The following CCDC6 variants were observed in gnomAD, a reference collection of about 807,000 sequenced individuals.
CCDC6 encodes coiled-coil domain containing 6, also known as coiled-coil domain-containing protein 6.
Under a neutral mutation model 56.6 loss-of-function variants are expected in CCDC6, and 20 were observed. The ratio of observed to expected loss-of-function variants is 0.35; its 90% confidence interval spans 0.25 to 0.51. CCDC6 has a LOEUF of 0.51. CCDC6 is among the 20% of genes least tolerant of loss of function. The pLI, the probability that CCDC6 is intolerant of heterozygous loss-of-function variation, is 0.95. For synonymous variants in CCDC6, 241 were observed against 234.4 expected (o/e 1.03, Z -0.26); for missense variants, 367 against 601.1 (o/e 0.61, Z 4.07).
At chr10:59,853,453 G>C (rs966061832) in intron 1 of CCDC6, among the ~76,000 whole-genome samples, 1 of 151,994 alleles carries the variant, frequency 6.6e-6, no homozygotes, top group South Asian at 2.1e-4. Context: ...AGGATCACTT[G>C]AACCCGGAAG....
intron 2 of CCDC6, among the ~76,000 whole-genome samples, chr10:59,846,378 C>T (rs1456038372): frequency 6.6e-6 from 1 of 152,188 alleles, no homozygotes; most frequent in African/African-American, 2.4e-5. Context: ...CTGAACTGCT[C>T]AGCTATAAAT....
chr10:59,807,092 G>A lies in CCDC6; in HGVS notation c.848-14C>T. ...TTTTCTCTGAATCTGAAAAGTCAGA[G>A]TTTTCAATTAAACCATGTTTCATGC... On this transcript the variant is annotated splice_polypyrimidine_tract_variant and intron_variant, in intron 5 of 8. Coordinates refer to ENST00000263102, the MANE Select transcript of CCDC6 (RefSeq NM_005436.5). 6.2e-7 allele frequency: 1 copy of A among 1,611,430 alleles called. No homozygotes were observed. The highest frequency in any genetic ancestry group is 8.5e-7 in the Non-Finnish European group (1 of 1,178,768).
At chr10:59,885,013 G>C (rs149065101) in intron 1 of CCDC6, among the ~76,000 whole-genome samples, 2,533 of 151,784 alleles carry the variant, frequency 0.017, 29 homozygotes, top group Middle Eastern at 0.044. Flanking sequence ...GCAGTGAGTT[G>C]AGATCGTGCC....
intron 1 of CCDC6, among the ~76,000 whole-genome samples, chr10:59,888,011 C>T (rs939021176): frequency 1.3e-5 from 2 of 152,136 alleles, no homozygotes; most frequent in African/African-American, 2.4e-5. Context: ...ACAGACTTGC[C>T]GTGAGACTCA....
At chr10:59,865,185 G>A (rs1191336143) in intron 1 of CCDC6, among the ~76,000 whole-genome samples, 2 of 152,286 alleles carry the variant, frequency 1.3e-5, no homozygotes, top group East Asian at 3.9e-4. Context: ...TGGCCCAGGG[G>A]CAATGACTAA....
chr10:59,895,291 G>A (rs2132685159), intron 1 of CCDC6, among the ~76,000 whole-genome samples: 1 of 152,264 alleles, frequency 6.6e-6, no homozygotes, highest in African/African-American at 2.4e-5. Flanking sequence ...GACAGAGCGA[G>A]ACCCTGTCTC....
At chr10:59,817,904 C>G (rs750643757) in intron 3 of CCDC6, among the ~76,000 whole-genome samples, 4 of 152,108 alleles carry the variant, frequency 2.6e-5, no homozygotes, top group Admixed American at 1.3e-4. Flanking sequence ...GGGCTAGTTC[C>G]GTCACACGCA....
chr10:59,869,658 C>T (rs1048723165), intron 1 of CCDC6, among the ~76,000 whole-genome samples: 2 of 152,032 alleles, frequency 1.3e-5, no homozygotes, highest in African/African-American at 4.8e-5. Context: ...CTGATCCTTC[C>T]ACTCTTGTGC....
At chr10:59,895,037 T>C (rs1349611007) in intron 1 of CCDC6, among the ~76,000 whole-genome samples, 1 of 152,154 alleles carries the variant, frequency 6.6e-6, no homozygotes, top group Non-Finnish European at 1.5e-5. Context: ...CATGGTATCT[T>C]ATGCCTGTAA....
intron 3 of CCDC6, among the ~76,000 whole-genome samples, chr10:59,829,871 C>A (rs2070820715): frequency 6.6e-6 from 1 of 152,136 alleles, no homozygotes; most frequent in African/African-American, 2.4e-5. Flanking sequence ...CTGGGTTGTA[C>A]CTTTTAAGTG....
intron 1 of CCDC6, among the ~76,000 whole-genome samples, chr10:59,874,606 G>A (rs1374163211): frequency 6.6e-6 from 1 of 152,108 alleles, no homozygotes; most frequent in Non-Finnish European, 1.5e-5. Flanking sequence ...ACATGCAAAG[G>A]GGAATTAAGG....
chr10:59,837,535 G>A (rs2070893219), intron 2 of CCDC6, among the ~76,000 whole-genome samples: 1 of 152,124 alleles, frequency 6.6e-6, no homozygotes, highest in Non-Finnish European at 1.5e-5. Flanking sequence ...CCTGATGTCA[G>A]GAGTTTGAGT....
In CCDC6 at chr10:59,794,601, A is replaced by T. The variant is rs1158308065; in HGVS notation, c.1106-4T>A. ...GTGTGACTTGCATATGATAGACCTA[A>T]AATATAACAACAAATTAAGTATCAT... On this transcript the variant is annotated splice_region_variant and splice_polypyrimidine_tract_variant and intron_variant, in intron 7 of 8. Coordinates refer to ENST00000263102, the MANE Select transcript of CCDC6 (RefSeq NM_005436.5). The T allele has an allele frequency of 6.2e-7, 1 of 1,613,266 alleles. No homozygotes were observed. Among genetic ancestry groups the T allele is most frequent in the African/African-American group, 1.3e-5 (1 of 74,908 alleles).
chr10:59,869,389 CAAAAAAAAAA>C (rs1167007522), intron 1 of CCDC6, among the ~76,000 whole-genome samples: 13 of 6,098 alleles, frequency 2.1e-3, no homozygotes, highest in East Asian at 6.7e-3. Flanking sequence ...CTTGCTCAGG[CAAAAAAAAAA>C]AAAAAAAAAA....
chr10:59,838,795 C>A (rs1033892186), intron 2 of CCDC6, among the ~76,000 whole-genome samples: 2 of 152,162 alleles, frequency 1.3e-5, no homozygotes, highest in African/African-American at 4.8e-5. Context: ...ACTCTGCCCA[C>A]ATGCCCCACT....
At chr10:59,851,470 G>A (rs9663498) in intron 2 of CCDC6, among the ~76,000 whole-genome samples, 80,455 of 151,956 alleles carry the variant, frequency 0.53, 23,334 homozygotes, top group African/African-American at 0.78. Context: ...GATTAACAGT[G>A]TCTTTATTCA....
chr10:59,835,316 G>GC (rs1238146521), intron 2 of CCDC6, among the ~76,000 whole-genome samples: 3 of 152,192 alleles, frequency 2.0e-5, no homozygotes, highest in Non-Finnish European at 2.9e-5. Context: ...CTGAGGAAAG[G>GC]CAAGGCTCTC....
intron 1 of CCDC6, among the ~76,000 whole-genome samples, chr10:59,877,987 T>G (rs1200452225): frequency 6.6e-6 from 1 of 152,170 alleles, no homozygotes; most frequent in African/African-American, 2.4e-5. Flanking sequence ...CTTGAAAGTG[T>G]TAAGAGGGTA....
At chr10:59,893,468 G>T (rs2071438733) in intron 1 of CCDC6, among the ~76,000 whole-genome samples, 1 of 152,154 alleles carries the variant, frequency 6.6e-6, no homozygotes, top group South Asian at 2.1e-4. Flanking sequence ...AGCTGGGCAT[G>T]GTGGTGCACG....
Sources: gnomAD v4.1 joint callset for allele counts (sites outside exome capture counted in the v4.1 genomes callset) on GRCh38, gnomAD v4.1.1 for gene constraint, MANE v1.5 for transcripts, NCBI Gene and HGNC (gene_info 2026-07-23, HGNC 2026-07-21) for gene names.